The following SUSD4 variants were observed in gnomAD, a reference collection of about 807,000 sequenced individuals.
SUSD4 encodes the protein sushi domain-containing protein 4.
In SUSD4, 41 loss-of-function variants were observed where a neutral mutation model predicts 50.5. That is an observed-to-expected ratio of 0.81 (90% CI 0.63 to 1.05). The LOEUF (loss-of-function observed/expected upper bound fraction) is 1.05. Ranked by LOEUF, SUSD4 falls within the 50% of genes least tolerant of loss-of-function variation. The pLI is 0.00. For missense variants in SUSD4, 580 were observed against 634.7 expected, an observed-to-expected ratio of 0.91 and a Z score of 0.93; for synonymous variants, 257 against 257.3, an observed-to-expected ratio of 1.00 and a Z score of 0.01.
At chr1:223,268,238 A>G (rs989262248) in intron 4 of SUSD4, among the ~76,000 whole-genome samples, 15 of 152,020 alleles carry the variant, frequency 9.9e-5, no homozygotes, top group African/African-American at 3.1e-4. Context: ...GAGACATCCA[A>G]CATTCCAAGG....
In SUSD4 at chr1:223,311,774, A is replaced by G. The variant is rs1023162048; in HGVS notation, c.149-19123T>C. On this transcript the variant is annotated intron_variant, in intron 2 of 8. Transcript: ENST00000366878. Reference sequence around the variant, plus strand: ...CTTCCTTTCTCTAGTGTCGAAATGCAGACTGTACTATCATTATAGGGCAGA... The same window carrying G: ...CTTCCTTTCTCTAGTGTCGAAATGCGGACTGTACTATCATTATAGGGCAGA... Among the ~76,000 whole-genome samples, 3 of 152,226 alleles carry G rather than the reference A, an allele frequency of 2.0e-5. No individual in the cohort carries two copies. In the South Asian group the frequency reaches 6.2e-4, roughly 32 times the overall value.
rs112228650 is a variant in SUSD4, at chr1:223,229,705, T to C, written c.725-317A>G. On this transcript the variant is annotated intron_variant, in intron 5 of 8. Transcript: ENST00000366878. This position sits in a 1 kb window ranked among gnomAD's most constrained non-coding sequence, Gnocchi z 4.7. ...ATTAAGCTACTGTATTAATAATGCA[T>C]GCTATTATGTGCCAGACAACCTAGT... 7.4e-3 allele frequency among the ~76,000 whole-genome samples: 1,122 copies of C among 152,364 alleles called. 17 individuals are homozygous for C. The highest frequency in any genetic ancestry group is 0.025 in the African/African-American group (1,027 of 41,580).
chr1:223,224,756 G>A (rs921083691), intron 7 of SUSD4, among the ~76,000 whole-genome samples: 2 of 152,050 alleles, frequency 1.3e-5, no homozygotes, highest in Non-Finnish European at 2.9e-5. Flanking sequence ...GGAGCCCGGG[G>A]CGTCTGACAT....
rs1157831532 is a variant in SUSD4 at position 223,252,198 on chromosome 1, C to T, written c.724+12432G>A. 1.1e-3 allele frequency among the ~76,000 whole-genome samples: 148 copies of T among 137,546 alleles called. 1 individual carries two copies. Among genetic ancestry groups the T allele is most frequent in the Middle Eastern group, 3.9e-3 (1 of 256 alleles). The allele number at this position is 137,546 out of a possible 152,430, so 90.2% of individuals were successfully genotyped here. A position where few individuals can be genotyped will look rare whatever the true frequency, so the allele number is the denominator to read the frequency against. On this transcript the variant is annotated intron_variant, in intron 5 of 8. Transcript: ENST00000366878. ...CAAACCTGCACGTTGTGCACATGTA[C>T]CCTAGAACTTAAAGTATAATTAAAA...
chr1:223,223,100 A>C (rs1442231704), intron 8 of SUSD4, 149 bp downstream of exon 8: 1 of 1,167,172 alleles, frequency 8.6e-7, no homozygotes, highest in Non-Finnish European at 1.1e-6. Flanking sequence ...ATGGAGAGAG[A>C]GCATGAAGCA....
At chr1:223,250,763 G>C (rs1464038366) in intron 5 of SUSD4, among the ~76,000 whole-genome samples, 1 of 152,214 alleles carries the variant, frequency 6.6e-6, no homozygotes, top group East Asian at 1.9e-4. Flanking sequence ...CAGATACAGG[G>C]AAGCCTCTGT....
intron 3 of SUSD4, among the ~76,000 whole-genome samples, chr1:223,273,419 C>A (rs1663048654): frequency 6.6e-6 from 1 of 152,228 alleles, no homozygotes; most frequent in East Asian, 1.9e-4. Context: ...TTGCCCTCAG[C>A]TCCTGAGAGG....
At chr1:223,334,602 T>C (rs1452281925) in intron 2 of SUSD4, among the ~76,000 whole-genome samples, 4 of 152,132 alleles carry the variant, frequency 2.6e-5, no homozygotes, top group African/African-American at 4.8e-5. Flanking sequence ...TATGAAAGAC[T>C]AGAATCAGGG....
chr1:223,345,735 TA>T (rs1667996284), intron 2 of SUSD4, among the ~76,000 whole-genome samples: 1 of 152,254 alleles, frequency 6.6e-6, no homozygotes, highest in Non-Finnish European at 1.5e-5. Flanking sequence ...ATCATCTTTC[TA>T]AAATAAGCTT....
At chr1:223,285,145 A>G (rs1558215038) in intron 3 of SUSD4, among the ~76,000 whole-genome samples, 1 of 152,210 alleles carries the variant, frequency 6.6e-6, no homozygotes, top group Non-Finnish European at 1.5e-5. Context: ...TTATATGCCA[A>G]TTTAAAAAAT....
At chr1:223,342,335 G>C (rs1174679236) in intron 2 of SUSD4, among the ~76,000 whole-genome samples, 1 of 152,094 alleles carries the variant, frequency 6.6e-6, no homozygotes, top group Admixed American at 6.5e-5. Context: ...TAATGGAGAG[G>C]GTTGCCATTT....
At chr1:223,309,515 G>A (rs1179845348) in intron 2 of SUSD4, among the ~76,000 whole-genome samples, 1 of 152,130 alleles carries the variant, frequency 6.6e-6, no homozygotes, top group Non-Finnish European at 1.5e-5. Flanking sequence ...GACTGGGGAG[G>A]GGCTACCGTG....
intron 2 of SUSD4, among the ~76,000 whole-genome samples, chr1:223,296,536 G>A (rs745534025): frequency 3.3e-5 from 5 of 152,130 alleles, no homozygotes; most frequent in Non-Finnish European, 7.4e-5. Flanking sequence ...AGGCACAGGT[G>A]GGCATGCCCT....
At chr1:223,310,806 G>A (rs1405701431) in intron 2 of SUSD4, among the ~76,000 whole-genome samples, 1 of 152,172 alleles carries the variant, frequency 6.6e-6, no homozygotes, top group East Asian at 1.9e-4. Context: ...TGGCCCATGT[G>A]GCCCTCTATA....
intron 5 of SUSD4, among the ~76,000 whole-genome samples, chr1:223,245,113 C>T (rs751501808): frequency 5.9e-5 from 9 of 152,226 alleles, no homozygotes; most frequent in South Asian, 4.2e-4. Flanking sequence ...CTTGTCACAA[C>T]ATCCATGTGT....
chr1:223,314,673 C>G (rs1002398660), intron 2 of SUSD4, among the ~76,000 whole-genome samples: 1 of 152,104 alleles, frequency 6.6e-6, no homozygotes, highest in Admixed American at 6.6e-5. Context: ...AGAGATCTCA[C>G]GAGATCTGAT....
Position 223,314,280 on chromosome 1 carries a change from G to T in SUSD4, c.149-21629C>A, listed in dbSNP as rs1019120361. On this transcript the variant is annotated intron_variant, in intron 2 of 8. Coordinates refer to ENST00000366878, the MANE Select transcript of SUSD4 (RefSeq NM_017982.4). ...AATACCTGACACATGGAGTAATGAGGACTGAATGAAATACCACACCAAGTC... is the reference window on the plus strand; with the variant it reads ...AATACCTGACACATGGAGTAATGAGTACTGAATGAAATACCACACCAAGTC... Among the ~76,000 whole-genome samples, 5 of 152,258 alleles carry T rather than the reference G, an allele frequency of 3.3e-5. No homozygotes were observed. The East Asian group carries it at 9.7e-4, about 29-fold the overall frequency.
chr1:223,279,578 G>T (rs35360808), intron 3 of SUSD4, among the ~76,000 whole-genome samples: 126,848 of 152,160 alleles, frequency 0.83, 53,371 homozygotes, highest in African/African-American at 0.95. Context: ...CCAAGAAATA[G>T]GGGACTATGT....
At chr1:223,266,686 A>G (rs1277306014) in intron 4 of SUSD4, among the ~76,000 whole-genome samples, 2 of 152,358 alleles carry the variant, frequency 1.3e-5, no homozygotes, top group African/African-American at 2.4e-5. Flanking sequence ...TTCCATTTGC[A>G]CTTCTAGATA....
Sources: allele counts gnomAD v4.1 joint callset (sites outside exome capture counted in the v4.1 genomes callset), GRCh38; gene constraint gnomAD v4.1.1; non-coding constraint Gnocchi (gnomAD v3.1); transcripts MANE v1.5; gene names NCBI Gene and HGNC (gene_info 2026-07-23, HGNC 2026-07-21).